ZNF831: variants seen among roughly 807,000 people sequenced by gnomAD.
ZNF831 encodes the protein zinc finger protein 831.
In ZNF831, 59 loss-of-function variants were observed where a neutral mutation model predicts 95.8. The observed-to-expected ratio is 0.62, with a 90% CI of 0.50 to 0.77. ZNF831 has a LOEUF of 0.77. ZNF831 is among the 30% of genes least tolerant of loss of function. ZNF831 has a pLI of 0.00. For synonymous variants in ZNF831, 961 were observed against 925.5 expected, an observed-to-expected ratio of 1.04 and a Z score of -0.70; for missense variants, 2,205 against 2,164.0, an observed-to-expected ratio of 1.02 and a Z score of -0.38.
Position 59,193,116 on chromosome 20 carries a change from G to A in ZNF831, c.2097G>A (p.Leu699=), listed in dbSNP as rs1179344561. The A allele has an allele frequency of 6.3e-7, 1 of 1,589,114 alleles. No homozygotes were observed. The highest frequency in any genetic ancestry group is 8.6e-7 in the Non-Finnish European group (1 of 1,167,474). The change falls in exon 2 of 6, where the codon CTG becomes CTA. Residue 699 remains leucine, a synonymous_variant. Coordinates refer to ENST00000371030, the MANE Select transcript of ZNF831 (RefSeq NM_178457.3). ...AGCCTTGGGGAAATCCACCAGCCCT[G>A]GAGGCCTCCTTGGTGACTGAACCCA... ...TPEPWGNPPA[L]EASLVTEPTK...
chr20:59,193,426 C>T lies in ZNF831; in HGVS notation c.2407C>T (p.Gln803Ter), dbSNP rs2146583137. The change falls in exon 2 of 6, where the codon CAG (glutamine) becomes TAG (stop). Residue 803 changes from glutamine (Q) to a stop codon, truncating the protein, a stop_gained. Transcript: ENST00000371030. LOFTEE classifies it high-confidence loss of function. Reference protein sequence around the residue: ...GDVQETCLWAQTVLRWPSRGS... With the variant: ...GDVQETCLWA Reference sequence around the variant, plus strand: ...TGTTCAGGAGACCTGCCTGTGGGCCCAGACTGTCCTGAGATGGCCCAGCAG... The same window carrying T: ...TGTTCAGGAGACCTGCCTGTGGGCCTAGACTGTCCTGAGATGGCCCAGCAG... The T allele has an allele frequency of 6.2e-7, 1 of 1,600,116 alleles. No homozygotes were observed. Among genetic ancestry groups the T allele is most frequent in the African/African-American group, 1.3e-5 (1 of 74,672 alleles).
At chr20:59,241,178 C>T (rs1987312542) in intron 4 of ZNF831, among the ~76,000 whole-genome samples, 1 of 152,094 alleles carries the variant, frequency 6.6e-6, no homozygotes, top group African/African-American at 2.4e-5. Flanking sequence ...TCTTTGCTAC[C>T]CCACGTCTCA....
intron 1 of ZNF831, among the ~76,000 whole-genome samples, chr20:59,140,548 G>A (rs1979646467): frequency 6.6e-6 from 1 of 152,082 alleles, no homozygotes; most frequent in African/African-American, 2.4e-5. Flanking sequence ...AGATCCACAG[G>A]AAGTTGCAAA....
intron 2 of ZNF831, among the ~76,000 whole-genome samples, chr20:59,155,655 G>A (rs1044662295): frequency 6.6e-6 from 1 of 152,206 alleles, no homozygotes; most frequent in African/African-American, 2.4e-5. Flanking sequence ...GGGCCAGGCC[G>A]CACTGTCTAC....
Position 59,191,774 on chromosome 20 carries a change from T to A in ZNF831, c.755T>A (p.Val252Glu), listed in dbSNP as rs1983559346. The A allele has an allele frequency of 6.2e-7, 1 of 1,611,614 alleles. No homozygotes were observed. Among genetic ancestry groups the A allele is most frequent in the Non-Finnish European group, 8.5e-7 (1 of 1,179,140 alleles). Residue 252 changes from valine to glutamate, a missense_variant, in exon 2 of 6, where the codon GTG becomes GAG. By Grantham distance (121) the Val-to-Glu change is moderately radical. Coordinates refer to ENST00000371030, the MANE Select transcript of ZNF831 (RefSeq NM_178457.3). Reference protein sequence around the residue: ...SERPLSPGAHVPLLAKNLDVR... With the variant: ...SERPLSPGAHEPLLAKNLDVR... The stretch of plus-strand genomic sequence containing the variant: ...AGACCCCTTTCTCCGGGTGCCCACG[T>A]GCCCCTACTTGCCAAGAACCTGGAT...
chr20:59,209,748 TG>T (rs1985159628), intron 4 of ZNF831, among the ~76,000 whole-genome samples: 1 of 142,356 alleles, frequency 7.0e-6, no homozygotes, highest in African/African-American at 2.9e-5. Context: ...TGGCCTCTTT[TG>T]GCTTCTGGGG....
intron 4 of ZNF831, among the ~76,000 whole-genome samples, chr20:59,224,052 G>A (rs769276066): frequency 1.3e-5 from 2 of 152,208 alleles, no homozygotes; most frequent in Non-Finnish European, 2.9e-5. Context: ...GGATTACGGG[G>A]AAACACGTCC....
At position 59,192,227 on chromosome 20, in the gene ZNF831, G is replaced by A. The variant is rs1481541336; in HGVS notation, c.1208G>A (p.Arg403Gln). ...REAGLELEKK[R>Q]LEERIAQLIS... is the part of the protein sequence containing the mutation. The stretch of plus-strand genomic sequence containing the variant: ...GCCGGCCTGGAGCTGGAGAAGAAGC[G>A]GCTGGAGGAGCGCATCGCCCAGCTC... Residue 403 changes from arginine to glutamine, a missense_variant, in exon 2 of 6, where the codon CGG becomes CAG. Arg to Gln is a conservative substitution (Grantham distance 43). Coordinates refer to ENST00000371030, the MANE Select transcript of ZNF831 (RefSeq NM_178457.3). This position sits in a 1 kb window ranked among gnomAD's most constrained non-coding sequence, Gnocchi z 5.2. The A allele has an allele frequency of 1.9e-6, 3 of 1,592,852 alleles. No homozygotes were observed. The highest frequency in any genetic ancestry group is 1.7e-4 in the Middle Eastern group (1 of 5,976).
At position 59,252,986 on chromosome 20, in the gene ZNF831, C is replaced by T. The variant is rs1474028116; in HGVS notation, c.4036C>T (p.Leu1346=). The T allele has an allele frequency of 6.2e-7, 1 of 1,613,786 alleles. No homozygotes were observed. The highest frequency in any genetic ancestry group is 1.1e-5 in the South Asian group (1 of 91,050). ...TGCCTCTCCCCTTGCAGGTCTGAATCTGCAAGAGGAGCCATCTTGTGCCAC... is the reference window on the plus strand; with the variant it reads ...TGCCTCTCCCCTTGCAGGTCTGAATTTGCAAGAGGAGCCATCTTGTGCCAC... The part of the protein sequence containing the change: ...QTSSEIAGLN[L]QEEPSCATSE... Residue 1346 remains leucine (L), a synonymous_variant, in exon 5 of 6, where the codon CTG becomes TTG. Transcript: ENST00000371030.
chr20:59,225,911 C>T (rs1986393783), intron 4 of ZNF831, among the ~76,000 whole-genome samples: 1 of 152,200 alleles, frequency 6.6e-6, no homozygotes, highest in African/African-American at 2.4e-5. Flanking sequence ...CAGGGTAGCT[C>T]CAGCTGGATC....
At chr20:59,178,680 G>A (rs916241459) in intron 1 of ZNF831, among the ~76,000 whole-genome samples, 1 of 152,084 alleles carries the variant, frequency 6.6e-6, no homozygotes, top group South Asian at 2.1e-4. Flanking sequence ...ATAGCTGATC[G>A]GATCTTCTCT....
chr20:59,231,894 C>G (rs1406658808), intron 4 of ZNF831, among the ~76,000 whole-genome samples: 1 of 152,172 alleles, frequency 6.6e-6, no homozygotes, highest in Admixed American at 6.5e-5. Flanking sequence ...ATATGGTGAG[C>G]TACGGTAATA....
chr20:59,247,632 A>G (rs1987683077), intron 4 of ZNF831, among the ~76,000 whole-genome samples: 1 of 152,236 alleles, frequency 6.6e-6, no homozygotes, highest in Non-Finnish European at 1.5e-5. Flanking sequence ...GCTTCTAAAC[A>G]ATTTAATCAC....
At chr20:59,233,722 T>C (rs1224949412) in intron 4 of ZNF831, among the ~76,000 whole-genome samples, 1 of 152,174 alleles carries the variant, frequency 6.6e-6, no homozygotes, top group African/African-American at 2.4e-5. Context: ...TTTTCAGACC[T>C]ACATCACTCC....
intron 4 of ZNF831, among the ~76,000 whole-genome samples, chr20:59,210,319 A>G (rs923863754): frequency 2.0e-5 from 3 of 152,292 alleles, no homozygotes; most frequent in African/African-American, 4.8e-5. Context: ...GCTGATAGCT[A>G]TGGGGCCCAC....
intron 4 of ZNF831, among the ~76,000 whole-genome samples, chr20:59,213,798 T>C (rs1422567499): frequency 6.6e-6 from 1 of 152,170 alleles, no homozygotes; most frequent in Non-Finnish European, 1.5e-5. Context: ...GGAATCACCA[T>C]TTTCAACCTT....
chr20:59,225,610 G>C lies in ZNF831; in HGVS notation c.4027+18554G>C, dbSNP rs1033607671. Among the ~76,000 whole-genome samples the C allele has an allele frequency of 5.3e-5, 8 of 152,308 alleles. No homozygotes were observed. The East Asian group carries it at 1.5e-3, about 29-fold the overall frequency. ...GGCTCATATGCAGACACATTAGATG[G>C]TTTTCCAGGGGACAGGAGCAGACGA... is the stretch of plus-strand genomic sequence containing the variant. On this transcript the variant is annotated intron_variant, in intron 4 of 5. Transcript: ENST00000371030.
At chr20:59,162,353 CCTTGGTTTT>C (rs1321428595), upstream of ZNF831, among the ~76,000 whole-genome samples, 3 of 152,048 alleles carry the variant, frequency 2.0e-5, no homozygotes, top group African/African-American at 7.3e-5. Flanking sequence ...AAGAGTATTT[CCTTGGTTTT>C]CTTGTAGGAT....
intron 1 of ZNF831, among the ~76,000 whole-genome samples, chr20:59,138,381 A>C (rs188361211): frequency 6.6e-6 from 1 of 151,842 alleles, no homozygotes; most frequent in Non-Finnish European, 1.5e-5. Flanking sequence ...GTGGCTCCCC[A>C]TGTTTTATGG....
Sources: allele counts gnomAD v4.1 joint callset (sites outside exome capture counted in the v4.1 genomes callset), GRCh38; gene constraint gnomAD v4.1.1; non-coding constraint Gnocchi (gnomAD v3.1); transcripts MANE v1.5; gene names NCBI Gene and HGNC (gene_info 2026-07-23, HGNC 2026-07-21).